The following SLC14A2 variants were observed in gnomAD, a reference collection of about 807,000 sequenced individuals.
The protein encoded by SLC14A2 is urea transporter 2.
Under a neutral mutation model 104.6 loss-of-function variants are expected in SLC14A2, and 91 were observed. The ratio of observed to expected loss-of-function variants is 0.87; its 90% CI spans 0.73 to 1.04. SLC14A2 has a LOEUF of 1.04. Among genes scored for constraint, SLC14A2 ranks in the 50% least tolerant of loss-of-function variants. The pLI, the probability that SLC14A2 is intolerant of heterozygous loss-of-function variation, is 0.00. For missense variants in SLC14A2, 1,189 were observed against 1,156.0 expected, an observed-to-expected ratio of 1.03 and a Z score of -0.41; for synonymous variants, 476 against 466.4, an observed-to-expected ratio of 1.02 and a Z score of -0.27.
chr18:45,205,314 A>G, the SLC14A2 span, among the ~76,000 whole-genome samples: 2 of 152,348 alleles, frequency 1.3e-5, no homozygotes, highest in East Asian at 3.9e-4. Context: ...TACAGGTTGC[A>G]TGAACTTTAA....
chr18:45,591,360 G>A (rs2044643854), intron 2 of SLC14A2, among the ~76,000 whole-genome samples: 1 of 151,812 alleles, frequency 6.6e-6, no homozygotes, highest in African/African-American at 2.4e-5. Context: ...TTTTGAGATG[G>A]AGTCTCGCTC....
At chr18:45,394,601 A>T (rs1223667533) in intron 1 of SLC14A2, among the ~76,000 whole-genome samples, 1 of 152,184 alleles carries the variant, frequency 6.6e-6, no homozygotes, top group East Asian at 1.9e-4. Flanking sequence ...CCTGATGATT[A>T]GTGATATGGA....
At chr18:45,285,830 G>A (rs2084809804) in intron 1 of SLC14A2, among the ~76,000 whole-genome samples, 1 of 152,110 alleles carries the variant, frequency 6.6e-6, no homozygotes, top group African/African-American at 2.4e-5. Context: ...GGCACAGTTT[G>A]GCCACTGATT....
chr18:45,447,755 C>A (rs1174804579), intron 1 of SLC14A2: 2 of 152,060 alleles, frequency 1.3e-5, no homozygotes, highest in East Asian at 3.9e-4. Flanking sequence ...AAGTTTATTT[C>A]CCTAATAATA....
rs1568002405 is a variant in SLC14A2, at chr18:45,668,482, G to C, written c.2036+5G>C. ...CATCATCATGTCCATGTCTTGGTAAGTTTGCTTTTGAAGGGTTGTGGGTTC... is the reference window on the plus strand; with the variant it reads ...CATCATCATGTCCATGTCTTGGTAACTTTGCTTTTGAAGGGTTGTGGGTTC... On this transcript the variant is annotated splice_donor_5th_base_variant and intron_variant, in intron 15 of 19. Transcript: ENST00000255226. 6.2e-7 allele frequency: 1 copy of C among 1,614,096 alleles called. No homozygotes were observed. The highest frequency in any genetic ancestry group is 1.7e-5 in the Admixed American group (1 of 60,022).
intron 1 of SLC14A2, among the ~76,000 whole-genome samples, chr18:45,402,246 CA>C (rs35692617): frequency 2.6e-5 from 4 of 151,314 alleles, no homozygotes; most frequent in Middle Eastern, 3.4e-3. Flanking sequence ...TTTCCTCCTG[CA>C]AAAAAAAGTT....
chr18:45,270,672 G>A (rs894177297), intron 1 of SLC14A2, among the ~76,000 whole-genome samples: 1 of 152,130 alleles, frequency 6.6e-6, no homozygotes, highest in African/African-American at 2.4e-5. Context: ...AACTGGCACT[G>A]ATAAAGAAAA....
chr18:45,404,628 C>T (rs1568185400), intron 1 of SLC14A2, among the ~76,000 whole-genome samples: 1 of 152,190 alleles, frequency 6.6e-6, no homozygotes, highest in Non-Finnish European at 1.5e-5. Context: ...GTCAGTCTCT[C>T]AAGGACAGAC....
chr18:45,682,305 TTC>T lies in SLC14A2; in HGVS notation c.2563-12_2563-11del. 1.2e-6 allele frequency: 2 copies of T among 1,613,530 alleles called. No individual in the cohort carries two copies. Among genetic ancestry groups the T allele is most frequent in the Non-Finnish European group, 8.5e-7 (1 of 1,179,440 alleles). The stretch of plus-strand genomic sequence containing the variant: ...CTGATGTGACCAAGGCTTATCTGTG[TTC>T]TTTCTCTCCAGTTTGGATTGCCGCC... On this transcript the variant is annotated splice_polypyrimidine_tract_variant and intron_variant, in intron 19 of 19. Coordinates refer to ENST00000255226, the MANE Select transcript of SLC14A2 (RefSeq NM_007163.4).
Position 45,229,402 on chromosome 18 carries a change from TTTTGTTTGTTTGTTTG to T in SLC14A2, c.-125+16227_-125+16242del, listed in dbSNP as rs146538293. 6.3e-3 allele frequency among the ~76,000 whole-genome samples: 957 copies of T among 151,668 alleles called. 21 individuals are homozygous for T. The highest frequency in any genetic ancestry group is 0.022 in the African/African-American group (905 of 41,214). Reference sequence around the variant, plus strand: ...AAGACAGCAATGATCCCCGTAGGTTTTTTGTTTGTTTGTTTGTTTGTTTGTTTGTTTAAAAAAAAAG... The same window carrying T: ...AAGACAGCAATGATCCCCGTAGGTTTTTTGTTTGTTTGTTTAAAAAAAAAG... On this transcript the variant is annotated intron_variant, in intron 1 of 20. Coordinates refer to the SLC14A2 transcript ENST00000586448.
intron 1 of SLC14A2, among the ~76,000 whole-genome samples, chr18:45,269,719 C>T (rs1216220665): frequency 6.6e-6 from 1 of 152,158 alleles, no homozygotes; most frequent in Non-Finnish European, 1.5e-5. Flanking sequence ...AACTGTGTTG[C>T]TATCCCAAAG....
At chr18:45,404,277 C>A (rs138885963) in intron 1 of SLC14A2, among the ~76,000 whole-genome samples, 2 of 152,114 alleles carry the variant, frequency 1.3e-5, no homozygotes, top group Admixed American at 1.3e-4. Context: ...TATGGATTAA[C>A]GAGCCTAATG....
chr18:45,176,830 T>C, the SLC14A2 span, among the ~76,000 whole-genome samples: 21 of 152,308 alleles, frequency 1.4e-4, no homozygotes, highest in African/African-American at 4.1e-4. Flanking sequence ...TCCTCTTTCT[T>C]GGAGATCTCA....
the SLC14A2 span, among the ~76,000 whole-genome samples, chr18:45,171,078 G>C: frequency 1.5e-3 from 232 of 152,260 alleles, no homozygotes; most frequent in Admixed American, 2.6e-3. Flanking sequence ...GAAAAGTCTG[G>C]TCAAAGATAG....
At chr18:45,660,076 T>A (rs935047833) in intron 10 of SLC14A2, among the ~76,000 whole-genome samples, 1 of 152,128 alleles carries the variant, frequency 6.6e-6, no homozygotes, top group African/African-American at 2.4e-5. Flanking sequence ...TAGGCTGCAG[T>A]GAGCTATGAT....
At chr18:45,308,081 C>G (rs893981935) in intron 1 of SLC14A2, among the ~76,000 whole-genome samples, 3 of 152,124 alleles carry the variant, frequency 2.0e-5, no homozygotes, top group Non-Finnish European at 2.9e-5. Flanking sequence ...GAGAATCACT[C>G]ATTACCACGA....
chr18:45,628,732 A>T (rs1375105811), intron 4 of SLC14A2, among the ~76,000 whole-genome samples: 2 of 152,206 alleles, frequency 1.3e-5, no homozygotes, highest in African/African-American at 4.8e-5. Flanking sequence ...TATATATGGT[A>T]ATGGTAAGTA....
chr18:45,392,103 G>A (rs143977992), intron 1 of SLC14A2, among the ~76,000 whole-genome samples: 5 of 152,328 alleles, frequency 3.3e-5, no homozygotes, highest in African/African-American at 1.2e-4. Context: ...CACGCAGAAA[G>A]TAGTGAAAGC....
At chr18:45,608,563 C>T (rs892748213) in intron 2 of SLC14A2, among the ~76,000 whole-genome samples, 3 of 152,226 alleles carry the variant, frequency 2.0e-5, no homozygotes, top group Admixed American at 2.0e-4. Context: ...AACATATCTT[C>T]AGAGATTTCA....
Sources: allele counts gnomAD v4.1 joint callset (sites outside exome capture counted in the v4.1 genomes callset), GRCh38; gene constraint gnomAD v4.1.1; transcripts MANE v1.5; gene names NCBI Gene and HGNC (gene_info 2026-07-23, HGNC 2026-07-21).